Variants in WWOX observed in about 807,000 individuals in gnomAD.
The protein encoded by WWOX is WW domain-containing oxidoreductase.
Under a neutral mutation model 46.2 loss-of-function variants are expected in WWOX, and 69 were observed. That is an observed-to-expected ratio of 1.49 (90% CI 1.23 to 1.82). The LOEUF (loss-of-function observed/expected upper bound fraction) is 1.82. Among genes scored for constraint, WWOX ranks in the 40% most tolerant of loss-of-function variants. The pLI is 0.00. For synonymous variants in WWOX, 359 were observed against 202.6 expected (o/e 1.77, Z -6.56); for missense variants, 919 against 542.6 (o/e 1.69, Z -6.89).
intron 8 of WWOX, among the ~76,000 whole-genome samples, chr16:79,185,758 T>C (rs2051000575): frequency 6.6e-6 from 1 of 152,046 alleles, no homozygotes. Context: ...AGGAAAGAAA[T>C]GAGAGTGAGG....
chr16:78,501,949 G>T (rs961572019), intron 8 of WWOX, among the ~76,000 whole-genome samples: 1 of 152,116 alleles, frequency 6.6e-6, no homozygotes, highest in African/African-American at 2.4e-5. Flanking sequence ...TCAGATTTCG[G>T]TTCCTCTCAG....
chr16:78,318,272 A>AT (rs34730954), intron 5 of WWOX, among the ~76,000 whole-genome samples: 2,959 of 123,550 alleles, frequency 0.024, 145 homozygotes, highest in African/African-American at 0.083. Context: ...TCTGGGAGGA[A>AT]TTTTTTTTTT....
At chr16:78,900,387 A>G (rs2044800969) in intron 8 of WWOX, among the ~76,000 whole-genome samples, 1 of 152,184 alleles carries the variant, frequency 6.6e-6, no homozygotes, top group Admixed American at 6.5e-5. Context: ...CTGTGCATGT[A>G]ATTTGCTGGG....
At chr16:78,206,372 G>T (rs2036396681) in intron 5 of WWOX, among the ~76,000 whole-genome samples, 1 of 151,794 alleles carries the variant, frequency 6.6e-6, no homozygotes, top group African/African-American at 2.4e-5. Context: ...AGGAGGAGAA[G>T]AATTAGAAGG....
intron 5 of WWOX, among the ~76,000 whole-genome samples, chr16:78,213,939 G>C (rs116846002): frequency 6.6e-6 from 1 of 152,162 alleles, no homozygotes; most frequent in Non-Finnish European, 1.5e-5. Context: ...AGCATGTCAC[G>C]CTGTGGCCCG....
intron 8 of WWOX, among the ~76,000 whole-genome samples, chr16:78,767,662 C>T (rs2049957120): frequency 1.3e-5 from 2 of 152,140 alleles, no homozygotes; most frequent in African/African-American, 4.8e-5. Flanking sequence ...TCAACAGCAG[C>T]CGCATCATTT....
intron 8 of WWOX, among the ~76,000 whole-genome samples, chr16:78,836,944 G>A (rs2052001927): frequency 6.6e-6 from 1 of 152,126 alleles, no homozygotes; most frequent in South Asian, 2.1e-4. Context: ...ATGAGAGATG[G>A]AAGGTCAAGT....
At chr16:78,444,112 C>T (rs1245425551) in intron 8 of WWOX, among the ~76,000 whole-genome samples, 9 of 152,206 alleles carry the variant, frequency 5.9e-5, no homozygotes, top group Admixed American at 1.3e-4. Flanking sequence ...CGGAACTCCT[C>T]TCCCTCTTCT....
chr16:78,856,433 A>G (rs956611846), intron 8 of WWOX, among the ~76,000 whole-genome samples: 3 of 152,202 alleles, frequency 2.0e-5, no homozygotes, highest in Non-Finnish European at 4.4e-5. Context: ...GCTTGAGGTC[A>G]AGAGTTCGAG....
Position 78,346,245 on chromosome 16 carries a change from G to C in WWOX, c.517-40615G>C, listed in dbSNP as rs111576841. Among the ~76,000 whole-genome samples the C allele has an allele frequency of 1.1e-3, 128 of 121,824 alleles. 30 individuals are homozygous for C. The highest frequency in any genetic ancestry group is 3.4e-3 in the African/African-American group (124 of 36,126). The allele number at this position is 121,824 out of a possible 152,430, so 79.9% of individuals were successfully genotyped here. On this transcript the variant is annotated intron_variant, in intron 5 of 8. Transcript: ENST00000566780. ...TTGGTGAGTAGTACTCCATTGTGTG[G>C]AGAAATCACATTGTTTTAAAAATAC...
At chr16:79,107,932 AGTC>A (rs1168756148) in intron 8 of WWOX, among the ~76,000 whole-genome samples, 1 of 152,246 alleles carries the variant, frequency 6.6e-6, no homozygotes, top group Non-Finnish European at 1.5e-5. Flanking sequence ...GACATGGTGA[AGTC>A]GTCATAGAAT....
intron 8 of WWOX, among the ~76,000 whole-genome samples, chr16:79,096,016 A>ATTT (rs57621801): frequency 0.081 from 6,636 of 81,670 alleles, 316 homozygotes; most frequent in African/African-American, 0.16. Flanking sequence ...CACCCGGATA[A>ATTT]TTTTTTTTTT....
At chr16:78,406,441 C>T (rs1442895339) in intron 6 of WWOX, among the ~76,000 whole-genome samples, 3 of 148,254 alleles carry the variant, frequency 2.0e-5, no homozygotes, top group Admixed American at 6.8e-5. Context: ...TAACCTCCGC[C>T]GCCCGGGTTC....
rs568586740 is a variant in WWOX, at chr16:78,917,915, A to T, written c.1057-293693A>T. ...ACAAAAAAAAGTTTAAGAAATTGTC[A>T]TATAGGCTGGGCGTGGTGGCTCACA... On this transcript the variant is annotated intron_variant, in intron 8 of 8. Transcript: ENST00000566780. Among the ~76,000 whole-genome samples the T allele has an allele frequency of 2.1e-3, 319 of 152,350 alleles. 1 individual carries two copies. The highest frequency in any genetic ancestry group is 7.3e-3 in the African/African-American group (304 of 41,586).
In WWOX at chr16:78,664,401, A is replaced by G. The variant is rs192480257; in HGVS notation, c.1056+231649A>G. Among the ~76,000 whole-genome samples the G allele has an allele frequency of 4.2e-3, 644 of 152,252 alleles. 3 individuals are homozygous for G. Among genetic ancestry groups the G allele is most frequent in the Non-Finnish European group, 6.6e-3 (451 of 68,024 alleles). On this transcript the variant is annotated intron_variant, in intron 8 of 8. Transcript: ENST00000566780. ...CCACGTAGGAAGTGGCAGGTTGGAG[A>G]AAAAGCAGTCACAGCTCCTGGCTGC...
intron 8 of WWOX, among the ~76,000 whole-genome samples, chr16:78,630,276 A>C (rs142742129): frequency 1.8e-4 from 27 of 152,234 alleles, no homozygotes; most frequent in African/African-American, 5.5e-4. Flanking sequence ...AGTACAGCAG[A>C]CTGTCGCAAG....
intron 8 of WWOX, among the ~76,000 whole-genome samples, chr16:78,478,458 G>A (rs2084406318): frequency 6.6e-6 from 1 of 152,130 alleles, no homozygotes. Context: ...AAGAAAAAGC[G>A]ATGATAATGA....
chr16:78,621,896 T>G (rs753913692), intron 8 of WWOX, among the ~76,000 whole-genome samples: 14 of 152,054 alleles, frequency 9.2e-5, no homozygotes, highest in South Asian at 8.3e-4. Context: ...TGAGCCACCG[T>G]GCCCAGCCTT....
intron 8 of WWOX, among the ~76,000 whole-genome samples, chr16:78,461,812 A>G (rs776602943): frequency 2.6e-5 from 4 of 152,150 alleles, no homozygotes; most frequent in South Asian, 2.1e-4. Flanking sequence ...TTAATACTCT[A>G]TTTATTTTAG....
Sources: allele counts gnomAD v4.1 joint callset (sites outside exome capture counted in the v4.1 genomes callset), GRCh38; gene constraint gnomAD v4.1.1; transcripts MANE v1.5; gene names NCBI Gene and HGNC (gene_info 2026-07-23, HGNC 2026-07-21).